The following ARHGEF18 variants were observed in gnomAD, a reference collection of about 807,000 sequenced individuals.
ARHGEF18 encodes the protein rho guanine nucleotide exchange factor 18.
ARHGEF18 carries 93 observed loss-of-function variants against 155.7 expected under a neutral mutation model. That is an observed-to-expected ratio of 0.60 (90% CI 0.50 to 0.71). ARHGEF18 has a LOEUF of 0.71. ARHGEF18 is among the 30% of genes least tolerant of loss of function. The pLI, the probability that ARHGEF18 is intolerant of heterozygous loss-of-function variation, is 0.00. For synonymous variants in ARHGEF18, 742 were observed against 753.1 expected, an observed-to-expected ratio of 0.99 and a Z score of 0.24; for missense variants, 1,593 against 1,816.1, an observed-to-expected ratio of 0.88 and a Z score of 2.23.
chr19:7,442,795 G>A (rs995381470), intron 13 of ARHGEF18, among the ~76,000 whole-genome samples: 7 of 152,200 alleles, frequency 4.6e-5, no homozygotes, highest in South Asian at 2.1e-4. Flanking sequence ...GACCAAGGCG[G>A]CGGCAGACTT....
intron 10 of ARHGEF18, among the ~76,000 whole-genome samples, chr19:7,392,055 A>T (rs1225650085): frequency 1.3e-5 from 2 of 151,944 alleles, no homozygotes; most frequent in Non-Finnish European, 2.9e-5. Flanking sequence ...AGCCTGGCCA[A>T]CATGGTAAAA....
intron 10 of ARHGEF18, among the ~76,000 whole-genome samples, chr19:7,400,826 C>T (rs1971991041): frequency 6.6e-6 from 1 of 151,964 alleles, no homozygotes; most frequent in South Asian, 2.1e-4. Context: ...CAGAGCAAGA[C>T]CCTATCTCTA....
chr19:7,362,063 AG>A (rs1568264674), intron 1 of ARHGEF18, among the ~76,000 whole-genome samples: 15 of 33,946 alleles, frequency 4.4e-4, no homozygotes, highest in African/African-American at 2.9e-3. Flanking sequence ...GAGAAGGAGA[AG>A]GAGAAGGAGA....
downstream of ARHGEF18, among the ~76,000 whole-genome samples, chr19:7,476,468 C>CAGTG (rs1428060972): frequency 3.9e-5 from 6 of 152,266 alleles, no homozygotes; most frequent in Admixed American, 6.5e-5. Context: ...GCAGACTAAG[C>CAGTG]AGTGCCCTCA....
At chr19:7,479,977 GTC>G in the ARHGEF18 span, among the ~76,000 whole-genome samples, 4 of 152,088 alleles carry the variant, frequency 2.6e-5, no homozygotes, top group Admixed American at 6.6e-5. Context: ...AAAAAATAAA[GTC>G]TGGGCCGGGA....
In ARHGEF18 at chr19:7,356,988, G is replaced by A. The variant is rs529531339; in HGVS notation, c.-110-5793G>A. Among the ~76,000 whole-genome samples, 16 of 152,298 alleles carry A rather than the reference G, an allele frequency of 1.1e-4. No individual in the cohort carries two copies. The East Asian group carries it at 2.9e-3, about 28-fold the overall frequency. On this transcript the variant is annotated intron_variant, in intron 1 of 28. Transcript: ENST00000668164. Reference sequence around the variant, plus strand: ...CAGGGGACCCAAGGGCTGGGGTTAGGGGGAGAGAGGATGGCCTGGGAACTG... The same window carrying A: ...CAGGGGACCCAAGGGCTGGGGTTAGAGGGAGAGAGGATGGCCTGGGAACTG...
chr19:7,376,959 G>C (rs576967657), intron 5 of ARHGEF18, among the ~76,000 whole-genome samples: 16 of 152,308 alleles, frequency 1.1e-4, no homozygotes, highest in African/African-American at 3.4e-4. Context: ...GGAAGCCAGA[G>C]AGGGGAAGGG....
Position 7,462,456 on chromosome 19 carries a change from T to A in ARHGEF18, c.2635+122T>A. 1 of 1,137,586 alleles carries A rather than the reference T, an allele frequency of 8.8e-7. No individual in the cohort carries two copies. The highest frequency in any genetic ancestry group is 1.1e-6 in the Non-Finnish European group (1 of 880,978). 70.5% of individuals were successfully genotyped at this position (1,137,586 alleles called of 1,614,324 possible). ...GCACCCTGTCCAGGACAGGCTTCTA[T>A]GTGGGGGGGGCCCAGGAGCAGCACT... On this transcript the variant is annotated intron_variant, in intron 21 of 28. Transcript: ENST00000668164. This position sits in a 1 kb window ranked among gnomAD's most constrained non-coding sequence, Gnocchi z 4.4.
At chr19:7,413,818 A>G (rs540653468) in intron 10 of ARHGEF18, among the ~76,000 whole-genome samples, 1 of 152,248 alleles carries the variant, frequency 6.6e-6, no homozygotes, top group South Asian at 2.1e-4. Context: ...GGTGGATGGA[A>G]GTTCACAAAG....
At chr19:7,351,814 C>T (rs1001555312) in intron 1 of ARHGEF18, among the ~76,000 whole-genome samples, 3 of 152,014 alleles carry the variant, frequency 2.0e-5, no homozygotes, top group Admixed American at 6.6e-5. Flanking sequence ...CCTGCCTCAG[C>T]CTCCTGAGTA....
chr19:7,441,600 G>A (rs944130709), intron 11 of ARHGEF18, 53 bp from the exon 12 acceptor site: 30 of 1,400,158 alleles, frequency 2.1e-5, no homozygotes, highest in African/African-American at 1.1e-4. Flanking sequence ...GCATGAGGTC[G>A]TGTGTGTTTA....
At chr19:7,478,279 G>T in the ARHGEF18 span, 2 of 1,602,644 alleles carry the variant, frequency 1.2e-6, no homozygotes, top group Admixed American at 3.4e-5. Flanking sequence ...GCTGGAGGGA[G>T]TGGGCCTCCC....
Position 7,468,884 on chromosome 19 carries a change from G to A in ARHGEF18, c.3540G>A (p.Val1180=), listed in dbSNP as rs758770572. ...FNGEGLEGPR[V]SMLPSGVGPE... ...GGGAAGGGCTGGAGGGCCCTCGTGT[G>A]AGCATGCTGCCATCCGGCGTGGGGC... is the stretch of plus-strand genomic sequence containing the variant. The change falls in exon 27 of 29, where the codon GTG becomes GTA. Residue 1180 remains valine (V), a synonymous_variant. Coordinates refer to ENST00000668164, the MANE Select transcript of ARHGEF18 (RefSeq NM_001367823.1). The A allele has an allele frequency of 7.0e-6, 11 of 1,573,494 alleles. No homozygotes were observed. In the South Asian group the frequency reaches 1.2e-4, roughly 17 times the overall value.
chr19:7,367,844 A>ATATATATATACACATATATATATTT (rs1568270207), intron 2 of ARHGEF18, among the ~76,000 whole-genome samples: 405 of 3,822 alleles, frequency 0.11, 109 homozygotes, highest in African/African-American at 0.18. Context: ...TATATATTTT[A>ATATATATATACACATATATATATTT]TATATATATA....
chr19:7,371,472 T>C (rs369789137), intron 2 of ARHGEF18, among the ~76,000 whole-genome samples: 2 of 152,044 alleles, frequency 1.3e-5, no homozygotes, highest in East Asian at 3.9e-4. Context: ...CACTTGAAGC[T>C]AGGAGTTTAA....
chr19:7,460,977 TG>T (rs1359934706), intron 20 of ARHGEF18, among the ~76,000 whole-genome samples: 1 of 151,876 alleles, frequency 6.6e-6, no homozygotes, highest in Non-Finnish European at 1.5e-5. Flanking sequence ...TTAGTAGAGA[TG>T]GGGTTTCACC....
chr19:7,426,214 G>A (rs143223534), intron 10 of ARHGEF18, among the ~76,000 whole-genome samples: 1,621 of 151,838 alleles, frequency 0.011, 36 homozygotes, highest in African/African-American at 0.034. Flanking sequence ...TAACCTGGGC[G>A]CGGTGGCTCA....
chr19:7,475,063 G>A (rs544161750), downstream of ARHGEF18, among the ~76,000 whole-genome samples: 57 of 152,242 alleles, frequency 3.7e-4, no homozygotes, highest in Middle Eastern at 6.8e-3. Flanking sequence ...GTGAAACCCC[G>A]TTTCTACTAA....
At chr19:7,392,093 TA>T (rs1971433583) in intron 10 of ARHGEF18, among the ~76,000 whole-genome samples, 1 of 150,582 alleles carries the variant, frequency 6.6e-6, no homozygotes, top group African/African-American at 2.4e-5. Flanking sequence ...ATACAAAAAT[TA>T]GCCAGATGTA....
Sources: gnomAD v4.1 joint callset for allele counts (sites outside exome capture counted in the v4.1 genomes callset) on GRCh38, gnomAD v4.1.1 for gene constraint, Gnocchi (gnomAD v3.1) non-coding constraint, MANE v1.5 for transcripts, NCBI Gene and HGNC (gene_info 2026-07-23, HGNC 2026-07-21) for gene names.